IGF2BP2: variants seen among roughly 807,000 people sequenced by gnomAD.
IGF2BP2 encodes the protein insulin-like growth factor 2 mRNA-binding protein 2.
Under a neutral mutation model 75.8 loss-of-function variants are expected in IGF2BP2, and 17 were observed. That is an observed-to-expected ratio of 0.22 (90% CI 0.15 to 0.34). The LOEUF (loss-of-function observed/expected upper bound fraction) is 0.34, where lower values mean the gene tolerates loss of function less well. Ranked by LOEUF, IGF2BP2 falls within the 10% of genes least tolerant of loss-of-function variation. The probability of loss-of-function intolerance (pLI) is 1.00; values close to 1 mark genes in which losing one functional copy is unlikely to be tolerated. For missense variants in IGF2BP2, 516 were observed against 772.4 expected (o/e 0.67, Z 3.93); for synonymous variants, 288 against 295.6 (o/e 0.97, Z 0.26).
At chr3:185,808,628 C>T (rs1317090088) in intron 2 of IGF2BP2, among the ~76,000 whole-genome samples, 2 of 151,984 alleles carry the variant, frequency 1.3e-5, no homozygotes, top group Admixed American at 6.6e-5. Flanking sequence ...GGTGCAATCT[C>T]AGCTCACTGC....
chr3:185,769,845 A>C (rs1302983271), intron 2 of IGF2BP2, among the ~76,000 whole-genome samples: 1 of 151,692 alleles, frequency 6.6e-6, no homozygotes. Context: ...AAAAAAAAAA[A>C]AAAAAAAAGA....
At chr3:185,816,607 GC>G (rs1740644132) in intron 2 of IGF2BP2, among the ~76,000 whole-genome samples, 1 of 152,184 alleles carries the variant, frequency 6.6e-6, no homozygotes, top group Admixed American at 6.5e-5. Context: ...CTGGGTTCTA[GC>G]CCTACTACTT....
chr3:185,758,903 T>C (rs1731986145), intron 2 of IGF2BP2, among the ~76,000 whole-genome samples: 1 of 152,220 alleles, frequency 6.6e-6, no homozygotes, highest in African/African-American at 2.4e-5. Flanking sequence ...GAGATTTAAC[T>C]GCAGTCCTTT....
chr3:185,687,102 C>A lies in IGF2BP2; in HGVS notation c.767G>T (p.Arg256Leu). ...ATPEGTSEAC[R>L]MILEIMQKEA... is the part of the protein sequence containing the mutation. ...TTTCTGCATGATTTCAAGAATCATGCGGCATGCTTCAGAAGTCCCCTCTGG... is the reference window on the plus strand; with the variant it reads ...TTTCTGCATGATTTCAAGAATCATGAGGCATGCTTCAGAAGTCCCCTCTGG... Residue 256 changes from arginine to leucine, a missense_variant, in exon 7 of 16, where the codon CGC becomes CTC. Coordinates refer to ENST00000382199, the MANE Select transcript of IGF2BP2 (RefSeq NM_006548.6). The A allele has an allele frequency of 1.2e-6, 2 of 1,613,632 alleles. No individual in the cohort carries two copies.
chr3:185,817,721 T>C (rs1313324309), intron 2 of IGF2BP2, among the ~76,000 whole-genome samples: 1 of 152,184 alleles, frequency 6.6e-6, no homozygotes, highest in Non-Finnish European at 1.5e-5. Context: ...CTTATCTTCA[T>C]TGGTAGGTGT....
chr3:185,773,869 A>G (rs924017894), intron 2 of IGF2BP2, among the ~76,000 whole-genome samples: 1 of 152,166 alleles, frequency 6.6e-6, no homozygotes, highest in African/African-American at 2.4e-5. Flanking sequence ...CCCTTGTGCC[A>G]CATTTTTAAC....
chr3:185,800,261 A>T (rs1409597911), intron 2 of IGF2BP2, among the ~76,000 whole-genome samples: 1 of 152,126 alleles, frequency 6.6e-6, no homozygotes, highest in African/African-American at 2.4e-5. Flanking sequence ...GGAACGTCAT[A>T]GACCGGGGCC....
At chr3:185,774,947 G>A (rs1734352757) in intron 2 of IGF2BP2, among the ~76,000 whole-genome samples, 1 of 151,894 alleles carries the variant, frequency 6.6e-6, no homozygotes, top group African/African-American at 2.4e-5. Flanking sequence ...TTGAACCTGG[G>A]AGGCGGGGCT....
intron 2 of IGF2BP2, among the ~76,000 whole-genome samples, chr3:185,811,812 C>T (rs940724969): frequency 2.1e-5 from 3 of 143,928 alleles, no homozygotes; most frequent in South Asian, 4.5e-4. Context: ...TGGCAGGGGA[C>T]GGTGCTCAGA....
At chr3:185,743,025 G>A (rs1480447164) in intron 2 of IGF2BP2, among the ~76,000 whole-genome samples, 1 of 151,892 alleles carries the variant, frequency 6.6e-6, no homozygotes, top group Non-Finnish European at 1.5e-5. Flanking sequence ...CTTGAATCTG[G>A]GAGGCGGAGG....
rs1560499475 is a variant in IGF2BP2 at position 185,805,582 on chromosome 3, T to TCC, written c.239+17570_239+17571insGG. Among the ~76,000 whole-genome samples the TCC allele has an allele frequency of 8.2e-4, 125 of 151,890 alleles. 2 individuals are homozygous for TCC. The highest frequency in any genetic ancestry group is 3.5e-4 in the Non-Finnish European group (24 of 67,966). On this transcript the variant is annotated intron_variant, in intron 2 of 15. Transcript: ENST00000382199. ...GCCGAGATTATACAAAGAAAAAAAG[T>TCC]TGTTGAGGAAAACTGAGAAAAAAAT...
At chr3:185,796,321 G>A (rs892593191) in intron 2 of IGF2BP2, among the ~76,000 whole-genome samples, 1 of 151,972 alleles carries the variant, frequency 6.6e-6, no homozygotes, top group Non-Finnish European at 1.5e-5. Context: ...CCAGTACTTT[G>A]GGAGGACGAG....
At chr3:185,804,754 C>T (rs149527200) in intron 2 of IGF2BP2, among the ~76,000 whole-genome samples, 2,268 of 152,014 alleles carry the variant, frequency 0.015, 59 homozygotes, top group African/African-American at 0.051. Flanking sequence ...CTTTGGGAGG[C>T]GGAGGTGGGC....
intron 2 of IGF2BP2, among the ~76,000 whole-genome samples, chr3:185,715,796 A>C (rs1193408262): frequency 6.6e-6 from 1 of 152,070 alleles, no homozygotes; most frequent in Non-Finnish European, 1.5e-5. Context: ...AGCACCCGTC[A>C]CCACACCCAG....
chr3:185,715,097 C>A (rs536234691), intron 2 of IGF2BP2, among the ~76,000 whole-genome samples: 1 of 152,200 alleles, frequency 6.6e-6, no homozygotes, highest in South Asian at 2.1e-4. Context: ...TGGCAAGGAA[C>A]CAGGGGGAGG....
chr3:185,684,807 C>T (rs1371921783), intron 7 of IGF2BP2, among the ~76,000 whole-genome samples: 1 of 150,224 alleles, frequency 6.7e-6, no homozygotes, highest in African/African-American at 2.5e-5. Flanking sequence ...TCCATCAAAG[C>T]AGGAACCAAT....
chr3:185,772,501 G>A (rs1255742631), intron 2 of IGF2BP2, among the ~76,000 whole-genome samples: 2 of 150,046 alleles, frequency 1.3e-5, no homozygotes, highest in Non-Finnish European at 3.0e-5. Context: ...TGTACATAGT[G>A]TATTATATCA....
chr3:185,755,025 T>A (rs1243001796), intron 2 of IGF2BP2, among the ~76,000 whole-genome samples: 1 of 152,184 alleles, frequency 6.6e-6, no homozygotes, highest in African/African-American at 2.4e-5. Context: ...CAGCCACTTG[T>A]TACAGAGATT....
Position 185,645,715 on chromosome 3 carries a change from G to A in IGF2BP2, c.1708-92C>T. 1.1e-6 allele frequency: 1 copy of A among 895,496 alleles called. No homozygotes were observed. The highest frequency in any genetic ancestry group is 1.4e-5 in the South Asian group (1 of 72,696). 55.5% of individuals were successfully genotyped at this position (895,496 alleles called of 1,614,324 possible). A position where few individuals can be genotyped will look rare whatever the true frequency, so the allele number is the denominator to read the frequency against. ...CGGCAGGGGAGGCTCTGGGGCTTGG[G>A]GATGAAGGGTGGAATGCTCAGACAA... On this transcript the variant is annotated intron_variant, in intron 15 of 15. Transcript: ENST00000382199. The surrounding 1 kb of genome is among the most constrained non-coding windows in gnomAD (Gnocchi z 4.9).
Sources: gnomAD v4.1 joint callset for allele counts (sites outside exome capture counted in the v4.1 genomes callset) on GRCh38, gnomAD v4.1.1 for gene constraint, Gnocchi (gnomAD v3.1) non-coding constraint, MANE v1.5 for transcripts, NCBI Gene and HGNC (gene_info 2026-07-23, HGNC 2026-07-21) for gene names.